Variants in BNIP5 observed in about 807,000 individuals in gnomAD.
BNIP5 encodes the protein protein BNIP5.
In BNIP5, 61 loss-of-function variants were observed where a neutral mutation model predicts 67.3. The ratio of observed to expected loss-of-function variants is 0.91; its 90% CI spans 0.74 to 1.12. The LOEUF (loss-of-function observed/expected upper bound fraction) is 1.12, where lower values mean the gene tolerates loss of function less well. Among genes scored for constraint, BNIP5 ranks in the 50% most tolerant of loss-of-function variants. The probability of loss-of-function intolerance (pLI) is 0.00; values close to 1 mark genes in which losing one functional copy is unlikely to be tolerated. For missense variants in BNIP5, 826 were observed against 816.3 expected, an observed-to-expected ratio of 1.01 and a Z score of -0.14; for synonymous variants, 317 against 319.0, an observed-to-expected ratio of 0.99 and a Z score of 0.07.
rs149597798 is a variant in BNIP5 at position 36,330,108 on chromosome 6, C to G, written c.583G>C (p.Glu195Gln). Residue 195 changes from glutamate (E) to glutamine (Q), a missense_variant, in exon 2 of 12, where the codon GAG (glutamate) becomes CAG (glutamine). Coordinates refer to ENST00000437635, the MANE Select transcript of BNIP5 (RefSeq NM_001010903.5). The stretch of plus-strand genomic sequence containing the variant: ...CTGCGAGCTGGGCCCAGGTCAGCCT[C>G]CCCGGAGCGCAAGGCAGCAGCTGCC... ...SKAAAALRSGEADLGPARRGG... is the reference protein window; with the variant it reads ...SKAAAALRSGQADLGPARRGG... The G allele has an allele frequency of 1.2e-6, 2 of 1,609,102 alleles. No individual in the cohort carries two copies. Among genetic ancestry groups the G allele is most frequent in the Non-Finnish European group, 1.7e-6 (2 of 1,179,598 alleles).
rs776296828 is a variant in BNIP5, at chr6:36,330,432, T to C, written c.259A>G (p.Ser87Gly). The C allele has an allele frequency of 8.1e-6, 13 of 1,614,204 alleles. No homozygotes were observed. The South Asian group carries it at 1.3e-4, about 16-fold the overall frequency. Residue 87 changes from serine (S) to glycine (G), a missense_variant, in exon 2 of 12, where the codon AGC becomes GGC. Coordinates refer to ENST00000437635, the MANE Select transcript of BNIP5 (RefSeq NM_001010903.5). ...TPEETGDFLPSEQRPSQDTKK... is the reference protein window; with the variant it reads ...TPEETGDFLPGEQRPSQDTKK... ...GTGTCTTGCGAAGGCCTCTGCTCGC[T>C]GGGGAGAAAATCTCCGGTCTCCTCG...
chr6:36,323,677 G>T, intron 7 of BNIP5, 144 bp from the exon 8 acceptor site: 1 of 926,070 alleles, frequency 1.1e-6, no homozygotes, highest in Non-Finnish European at 1.6e-6. Flanking sequence ...AATATGTGTG[G>T]TCTGGAGGGG....
chr6:36,333,203 G>A (rs980576490), intron 1 of BNIP5, among the ~76,000 whole-genome samples: 2 of 152,238 alleles, frequency 1.3e-5, no homozygotes, highest in East Asian at 3.8e-4. Flanking sequence ...AAACCAGATG[G>A]TATTGCAGCC....
chr6:36,323,195 A>G, intron 8 of BNIP5, 98 bp downstream of exon 8: 2 of 1,492,908 alleles, frequency 1.3e-6, no homozygotes, highest in Non-Finnish European at 9.2e-7. Context: ...AACAGTGGAC[A>G]TCCTCCACTA....
chr6:36,327,978 ATTC>A (rs1290937504), intron 3 of BNIP5, among the ~76,000 whole-genome samples: 4 of 152,070 alleles, frequency 2.6e-5, no homozygotes, highest in African/African-American at 9.7e-5. Context: ...CCTCTTAGTT[ATTC>A]TTTGACATAT....
chr6:36,322,273 C>A, intron 9 of BNIP5, 38 bp downstream of exon 9: 1 of 1,612,454 alleles, frequency 6.2e-7, no homozygotes, highest in South Asian at 1.1e-5. Context: ...GAGAAGCACC[C>A]GGGAAGCTGT....
At chr6:36,325,184 A>T in intron 6 of BNIP5, 99 bp downstream of exon 6, 1 of 1,334,728 alleles carries the variant, frequency 7.5e-7, no homozygotes, top group Non-Finnish European at 1.1e-6. Flanking sequence ...AGGTCTGGAC[A>T]GGTCACTGCC....
At position 36,330,714 on chromosome 6, in the gene BNIP5, C is replaced by A; in HGVS notation, c.-4-20G>T. On this transcript the variant is annotated intron_variant, in intron 1 of 11. Transcript: ENST00000437635. ...ATCGGGCTGCAACCAAAACACACAG[C>A]TCCCTTAGTTTTTTTGTTTGTTTGT... is the stretch of plus-strand genomic sequence containing the variant. 3 of 1,526,926 alleles carry A rather than the reference C, an allele frequency of 2.0e-6. No individual in the cohort carries two copies. The highest frequency in any genetic ancestry group is 2.6e-6 in the Non-Finnish European group (3 of 1,148,246). The allele number at this position is 1,526,926 out of a possible 1,614,324, so 94.6% of individuals were successfully genotyped here. A position where few individuals can be genotyped will look rare whatever the true frequency, so the allele number is the denominator to read the frequency against.
chr6:36,333,067 T>A (rs1459176251), intron 1 of BNIP5, among the ~76,000 whole-genome samples: 1 of 152,260 alleles, frequency 6.6e-6, no homozygotes, highest in Non-Finnish European at 1.5e-5. Context: ...CGATTTCTTA[T>A]GTGTGGGATC....
intron 1 of BNIP5, among the ~76,000 whole-genome samples, chr6:36,331,371 C>T (rs1375690123): frequency 1.3e-5 from 2 of 152,180 alleles, no homozygotes; most frequent in Non-Finnish European, 2.9e-5. Flanking sequence ...TGATGTGGGA[C>T]TTCTCCAGAA....
intron 7 of BNIP5, among the ~76,000 whole-genome samples, chr6:36,323,868 CGCAT>C (rs1169487028): frequency 2.0e-5 from 3 of 151,980 alleles, no homozygotes; most frequent in Admixed American, 6.6e-5. Flanking sequence ...GGTGTGGTGG[CGCAT>C]GCCTGTAGTC....
Position 36,330,616 on chromosome 6 carries a change from G to A in BNIP5, c.75C>T (p.Pro25=), listed in dbSNP as rs770345487. 93 of 1,609,540 alleles carry A rather than the reference G, an allele frequency of 5.8e-5. No homozygotes were observed. Among genetic ancestry groups the A allele is most frequent in the East Asian group, 8.9e-5 (4 of 44,882 alleles). The change falls in exon 2 of 12, where the codon CCC becomes CCT. Residue 25 remains proline, a synonymous_variant. Transcript: ENST00000437635. ...KARSLDRPQA[P]GKGSESWDCH... ...AGTCCCACGACTCCGAGCCTTTCCC[G>A]GGGGCCTGCGGCCTGTCCAGAGACC... is the stretch of plus-strand genomic sequence containing the variant.
At chr6:36,333,785 A>T (rs1582138730) in intron 1 of BNIP5, among the ~76,000 whole-genome samples, 1 of 152,262 alleles carries the variant, frequency 6.6e-6, no homozygotes, top group East Asian at 1.9e-4. Flanking sequence ...GCTCACATTT[A>T]AAAAAGAGTA....
chr6:36,331,468 G>A (rs1405710979), intron 1 of BNIP5, among the ~76,000 whole-genome samples: 2 of 152,164 alleles, frequency 1.3e-5, no homozygotes, highest in South Asian at 2.1e-4. Context: ...TACAGCCGGA[G>A]CCAGAGGCCT....
intron 5 of BNIP5, 42 bp from the exon 6 acceptor site, chr6:36,325,456 G>A: frequency 2.5e-6 from 4 of 1,576,384 alleles, no homozygotes; most frequent in Non-Finnish European, 3.4e-6. Context: ...TTGTCTGTCT[G>A]GGGCTGTTAA....
At position 36,321,221 on chromosome 6, in the gene BNIP5, T is replaced by G. The variant is rs1377964757; in HGVS notation, c.1604-2A>C. 5 of 1,593,134 alleles carry G rather than the reference T, an allele frequency of 3.1e-6. No homozygotes were observed. The highest frequency in any genetic ancestry group is 1.3e-5 in the African/African-American group (1 of 74,630). The stretch of plus-strand genomic sequence containing the variant: ...CAAGCTTCTGGATGATGATCTCCTC[T>G]AAGGAAAAGAAAGGAGGATTGAGTG... On this transcript the variant is annotated splice_acceptor_variant, in intron 9 of 11. Coordinates refer to ENST00000437635, the MANE Select transcript of BNIP5 (RefSeq NM_001010903.5). LOFTEE classifies it high-confidence loss of function.
chr6:36,320,468 C>G (rs55688035), intron 10 of BNIP5, among the ~76,000 whole-genome samples: 2 of 152,222 alleles, frequency 1.3e-5, no homozygotes, highest in Admixed American at 6.5e-5. Context: ...TTCTGCCCCC[C>G]ACATGAGTTG....
intron 1 of BNIP5, among the ~76,000 whole-genome samples, chr6:36,334,530 C>A (rs951176443): frequency 6.6e-6 from 1 of 152,192 alleles, no homozygotes; most frequent in African/African-American, 2.4e-5. Flanking sequence ...CCCGCTCCAA[C>A]TGCTCCTCCT....
In BNIP5 at chr6:36,316,506, T is replaced by C; in HGVS notation, c.*850A>G. On this transcript the variant is annotated 3_prime_UTR_variant, in exon 12 of 12. Coordinates refer to ENST00000437635, the MANE Select transcript of BNIP5 (RefSeq NM_001010903.5). ...AAATCCACAATGTCTAGGACATGAA[T>C]AGTACCTCCTGGAGTATGGTGCTCT... 2.5e-6 allele frequency: 1 copy of C among 398,650 alleles called. No individual in the cohort carries two copies. Among genetic ancestry groups the C allele is most frequent in the Non-Finnish European group, 4.4e-6 (1 of 226,070 alleles). 24.7% of individuals were successfully genotyped at this position (398,650 alleles called of 1,614,324 possible).
Sources: gnomAD v4.1 joint callset for allele counts (sites outside exome capture counted in the v4.1 genomes callset) on GRCh38, gnomAD v4.1.1 for gene constraint, MANE v1.5 for transcripts, NCBI Gene and HGNC (gene_info 2026-07-23, HGNC 2026-07-21) for gene names.